Variants in STIM1 observed in about 807,000 individuals in gnomAD.
STIM1 encodes the protein stromal interaction molecule 1.
Under a neutral mutation model 74.7 loss-of-function variants are expected in STIM1, and 25 were observed. That is an observed-to-expected ratio of 0.33 (90% CI 0.24 to 0.47). STIM1 has a LOEUF of 0.47. Ranked by LOEUF, STIM1 falls within the 20% of genes least tolerant of loss-of-function variation. The pLI is 1.00. For missense variants in STIM1, 728 were observed against 920.8 expected (o/e 0.79, Z 2.71); for synonymous variants, 328 against 348.8 (o/e 0.94, Z 0.66).
intron 3 of STIM1, among the ~76,000 whole-genome samples, chr11:4,054,308 A>G (rs1262045233): frequency 2.6e-5 from 4 of 152,134 alleles, no homozygotes; most frequent in East Asian, 3.9e-4. Context: ...ACTAGTAGCT[A>G]TCTTAGCATG....
intron 1 of STIM1, among the ~76,000 whole-genome samples, chr11:3,871,811 T>G (rs16929706): frequency 0.13 from 19,446 of 152,182 alleles, 1,335 homozygotes; most frequent in Non-Finnish European, 0.15. Flanking sequence ...GGGCTTAAAT[T>G]TCCTCATCCC....
chr11:3,892,780 A>T (rs543082177), intron 1 of STIM1: 3 of 1,613,164 alleles, frequency 1.9e-6, no homozygotes, highest in Non-Finnish European at 2.5e-6. Flanking sequence ...TCAGAGCACG[A>T]AAGTTTTCTG....
chr11:3,856,712 T>A (rs937151854), intron 1 of STIM1, among the ~76,000 whole-genome samples: 2 of 152,230 alleles, frequency 1.3e-5, no homozygotes, highest in African/African-American at 4.8e-5. Context: ...ATCTTAGGCC[T>A]ACTTGTCTGG....
At chr11:4,073,077 T>G (rs895093254) in intron 6 of STIM1, among the ~76,000 whole-genome samples, 1 of 111,514 alleles carries the variant, frequency 9.0e-6, no homozygotes, top group Non-Finnish European at 1.9e-5. Flanking sequence ...TTTTACAGAT[T>G]GAGTTCTGTT....
chr11:3,997,409 T>C (rs2093672575), intron 2 of STIM1, among the ~76,000 whole-genome samples: 1 of 152,198 alleles, frequency 6.6e-6, no homozygotes, highest in African/African-American at 2.4e-5. Flanking sequence ...TAGTACCAGC[T>C]ACTTGGGAGG....
chr11:3,861,630 C>G (rs564835852), intron 1 of STIM1, among the ~76,000 whole-genome samples: 2 of 152,266 alleles, frequency 1.3e-5, no homozygotes, highest in South Asian at 4.1e-4. Flanking sequence ...CTGTTGATTT[C>G]TATTGATGAC....
At chr11:4,035,103 T>A (rs1819246495) in intron 3 of STIM1, among the ~76,000 whole-genome samples, 1 of 152,164 alleles carries the variant, frequency 6.6e-6, no homozygotes, top group African/African-American at 2.4e-5. Context: ...TTTTCTTTCA[T>A]CTGCTACTTT....
At chr11:3,955,749 G>A (rs1407141434) in intron 1 of STIM1, among the ~76,000 whole-genome samples, 1 of 151,984 alleles carries the variant, frequency 6.6e-6, no homozygotes, top group Non-Finnish European at 1.5e-5. Context: ...TCTGGTGTGG[G>A]GCCTGGGCAT....
At chr11:3,866,293 A>G (rs936958174) in intron 1 of STIM1, among the ~76,000 whole-genome samples, 8 of 152,066 alleles carry the variant, frequency 5.3e-5, no homozygotes. Flanking sequence ...CCAGTCCTCT[A>G]TGAAGTCTTT....
intron 1 of STIM1, among the ~76,000 whole-genome samples, chr11:3,886,785 C>T (rs373856429): frequency 2.0e-5 from 3 of 150,346 alleles, no homozygotes; most frequent in Admixed American, 6.6e-5. Flanking sequence ...GGGCGGATTA[C>T]GAGGTCAGGA....
intron 2 of STIM1, chr11:3,974,253 G>A: frequency 2.7e-6 from 1 of 366,660 alleles, no homozygotes. Context: ...AGTGGGAAGA[G>A]AGACTTTAAT....
chr11:3,952,873 T>C (rs549159567), intron 1 of STIM1, among the ~76,000 whole-genome samples: 1 of 152,214 alleles, frequency 6.6e-6, no homozygotes, highest in Non-Finnish European at 1.5e-5. Context: ...TCTGAAGCCC[T>C]ATGGGAAACC....
At chr11:3,868,806 G>T (rs1344560910) in intron 1 of STIM1, among the ~76,000 whole-genome samples, 1 of 152,142 alleles carries the variant, frequency 6.6e-6, no homozygotes, top group African/African-American at 2.4e-5. Context: ...CTGTGTCTTT[G>T]TAGTTAGTGT....
At chr11:3,952,783 G>A (rs1430170050) in intron 1 of STIM1, among the ~76,000 whole-genome samples, 2 of 152,216 alleles carry the variant, frequency 1.3e-5, no homozygotes, top group Non-Finnish European at 2.9e-5. Context: ...ACACTGATCT[G>A]GGAGTCAGTC....
At chr11:3,994,321 ATGTGTCTATT>A (rs1489579271) in intron 2 of STIM1, among the ~76,000 whole-genome samples, 1 of 151,872 alleles carries the variant, frequency 6.6e-6, no homozygotes, top group Non-Finnish European at 1.5e-5. Context: ...GTTTTACTTA[ATGTGTCTATT>A]TGTGGATCTC....
chr11:3,892,607 C>T (rs1019549100), intron 1 of STIM1: 6 of 1,603,022 alleles, frequency 3.7e-6, no homozygotes, highest in Non-Finnish European at 5.1e-6. Flanking sequence ...GATGCCAGGA[C>T]CTGTATGCTT....
intron 1 of STIM1, among the ~76,000 whole-genome samples, chr11:3,898,301 A>G (rs1488370609): frequency 7.1e-6 from 1 of 140,742 alleles, no homozygotes; most frequent in Non-Finnish European, 1.5e-5. Flanking sequence ...TTTTGGCTGC[A>G]TAAATGTCTT....
At chr11:3,871,558 A>G (rs988640668) in intron 1 of STIM1, among the ~76,000 whole-genome samples, 1 of 152,176 alleles carries the variant, frequency 6.6e-6, no homozygotes, top group Non-Finnish European at 1.5e-5. Flanking sequence ...GAGTGAGTGG[A>G]GGAGGAATAC....
chr11:3,892,658 G>A, intron 1 of STIM1: 2 of 1,610,644 alleles, frequency 1.2e-6, no homozygotes, highest in Non-Finnish European at 1.7e-6. Flanking sequence ...CCCGTAGATG[G>A]ACTTGCTGCT....
Sources: allele counts gnomAD v4.1 joint callset (sites outside exome capture counted in the v4.1 genomes callset), GRCh38; gene constraint gnomAD v4.1.1; transcripts MANE v1.5; gene names NCBI Gene and HGNC (gene_info 2026-07-23, HGNC 2026-07-21).